EBF4: variants seen among roughly 807,000 people sequenced by gnomAD.
The protein encoded by EBF4 is transcription factor COE4.
EBF4 carries 34 observed loss-of-function variants against 67.1 expected under a neutral mutation model. The observed-to-expected ratio is 0.51, with a 90% CI of 0.39 to 0.67. The LOEUF is 0.67. Ranked by LOEUF, EBF4 falls within the 30% of genes least tolerant of loss-of-function variation. The pLI, the probability that EBF4 is intolerant of heterozygous loss-of-function variation, is 0.00. For synonymous variants in EBF4, 387 were observed against 377.7 expected (o/e 1.02, Z -0.29); for missense variants, 837 against 873.3 (o/e 0.96, Z 0.52).
chr20:2,753,065 G>A (rs1040562570), intron 14 of EBF4, among the ~76,000 whole-genome samples: 8 of 152,266 alleles, frequency 5.3e-5, no homozygotes, highest in African/African-American at 1.9e-4. Context: ...CAGAGCGAGC[G>A]AGTTCTGTGT....
At chr20:2,716,119 G>T (rs887257610) in intron 6 of EBF4, among the ~76,000 whole-genome samples, 1 of 151,746 alleles carries the variant, frequency 6.6e-6, no homozygotes, top group Non-Finnish European at 1.5e-5. Context: ...GTTACTCAGA[G>T]GTTGAGGTGG....
At chr20:2,694,359 C>T (rs2087258019) in intron 1 of EBF4, among the ~76,000 whole-genome samples, 1 of 152,168 alleles carries the variant, frequency 6.6e-6, no homozygotes. Flanking sequence ...GGGCCCCTGC[C>T]TTTCCCTCGG....
At chr20:2,702,321 G>A (rs1394041452) in intron 1 of EBF4, among the ~76,000 whole-genome samples, 1 of 152,044 alleles carries the variant, frequency 6.6e-6, no homozygotes, top group Admixed American at 6.5e-5. Flanking sequence ...CCAGCTACTC[G>A]GACGGCTGAG....
exon 14 of EBF4, chr20:2,752,454 G>T: frequency 7.9e-7 from 1 of 1,273,434 alleles, no homozygotes; most frequent in Non-Finnish European, 9.9e-7. Flanking sequence ...GAGCTGGCCT[G>T]GGCGGCTACG....
chr20:2,712,383 A>G (rs557132591), intron 6 of EBF4, among the ~76,000 whole-genome samples: 3 of 152,320 alleles, frequency 2.0e-5, no homozygotes, highest in South Asian at 2.1e-4. Flanking sequence ...GGCAGGACTG[A>G]CAGGATTTGT....
intron 1 of EBF4, among the ~76,000 whole-genome samples, chr20:2,698,733 C>A (rs1038491809): frequency 6.6e-5 from 10 of 152,158 alleles, no homozygotes; most frequent in Non-Finnish European, 8.8e-5. Flanking sequence ...GAGCCTCCCC[C>A]CATTACTGAT....
rs1600249224 is a variant in EBF4, at chr20:2,755,836, A to C, written c.1738+12A>C. Reference sequence around the variant, plus strand: ...AGAGGGGCTTCCAGGTGAGTGATCCACCCTGCCTCACTGTGGCAGGAAGGA... The same window carrying C: ...AGAGGGGCTTCCAGGTGAGTGATCCCCCCTGCCTCACTGTGGCAGGAAGGA... On this transcript the variant is annotated intron_variant, in intron 15 of 16. Coordinates refer to ENST00000609451, the Ensembl canonical transcript of EBF4. The surrounding 1 kb of genome is among the most constrained non-coding windows in gnomAD (Gnocchi z 4.7). 1 of 1,542,290 alleles carries C rather than the reference A, an allele frequency of 6.5e-7. No individual in the cohort carries two copies.
Position 2,709,567 on chromosome 20 carries a change from C to A in EBF4, c.489-7C>A. On this transcript the variant is annotated splice_polypyrimidine_tract_variant and splice_region_variant and intron_variant, in intron 5 of 16. Transcript: ENST00000609451. ...CTGCCTTCCCTCCTTCCTCATCTTT[C>A]CTTCAGCCGGTGCTGTGACCGGAAG... 1 of 1,549,626 alleles carries A rather than the reference C, an allele frequency of 6.5e-7. No homozygotes were observed. Among genetic ancestry groups the A allele is most frequent in the Non-Finnish European group, 8.7e-7 (1 of 1,145,694 alleles).
At chr20:2,737,261 A>AG (rs61251609) in intron 6 of EBF4, among the ~76,000 whole-genome samples, 17,031 of 150,406 alleles carry the variant, frequency 0.11, 1,292 homozygotes, top group East Asian at 0.27. Context: ...AAAAAAAAAA[A>AG]AAAAGAAAAG....
intron 5 of EBF4, 151 bp from the exon 6 acceptor site, chr20:2,709,423 C>G: frequency 1.6e-6 from 1 of 636,374 alleles, no homozygotes; most frequent in South Asian, 2.9e-5. Flanking sequence ...TCCCCCAAGC[C>G]CTGGGAGTGA....
chr20:2,698,233 G>C (rs1007820687), intron 1 of EBF4, among the ~76,000 whole-genome samples: 1 of 152,206 alleles, frequency 6.6e-6, no homozygotes, highest in Non-Finnish European at 1.5e-5. Flanking sequence ...CAGCTGCTGG[G>C]GGCAGTGGGA....
rs1309653786 is a variant in EBF4, at chr20:2,751,788, G to C, written c.1107G>C (p.Lys369Asn). ...CCGGAGACCCCGAGAGGCTGCCCAAGGTACTCAGAGGGGCGGGGCGGGGCG... is the reference window on the plus strand; with the variant it reads ...CCGGAGACCCCGAGAGGCTGCCCAACGTACTCAGAGGGGCGGGGCGGGGCG... The change falls in exon 11 of 17, where the codon AAG becomes AAC. Residue 369 changes from lysine to asparagine, a missense_variant and splice_region_variant. By Grantham distance (94) the Lys-to-Asn change is moderately conservative (BLOSUM62 0). This residue lies in a region of EBF4 where 525 missense variants were observed against 496.5 expected (regional missense o/e 1.06). Coordinates refer to ENST00000609451, the Ensembl canonical transcript of EBF4. The surrounding 1 kb of genome is among the most constrained non-coding windows in gnomAD (Gnocchi z 5.2). 1.3e-6 allele frequency: 2 copies of C among 1,549,542 alleles called. No homozygotes were observed. The highest frequency in any genetic ancestry group is 8.7e-7 in the Non-Finnish European group (1 of 1,146,470).
At chr20:2,715,496 G>A (rs1377855113) in intron 6 of EBF4, among the ~76,000 whole-genome samples, 1 of 152,178 alleles carries the variant, frequency 6.6e-6, no homozygotes, top group Non-Finnish European at 1.5e-5. Context: ...GTCAGGAATT[G>A]TCAGGTCATG....
intron 14 of EBF4, among the ~76,000 whole-genome samples, chr20:2,754,768 C>T (rs1427992452): frequency 1.3e-5 from 2 of 152,106 alleles, no homozygotes; most frequent in African/African-American, 4.8e-5. Flanking sequence ...CCAGCGATGC[C>T]CCAGGCCTGA....
chr20:2,712,089 C>T (rs551315897), intron 6 of EBF4, among the ~76,000 whole-genome samples: 1 of 152,226 alleles, frequency 6.6e-6, no homozygotes, highest in East Asian at 1.9e-4. Flanking sequence ...GAAGGCACGA[C>T]CATGCAGGGT....
rs1242824263 is a variant in EBF4 at position 2,747,760 on chromosome 20, G to C, written c.558-789G>C. ...TTTACAACATAAAATGCGTATTAAT[G>C]TATTTGTTCTGTGTATTTCCTATTT... On this transcript the variant is annotated intron_variant, in intron 6 of 16. Coordinates refer to ENST00000609451, the Ensembl canonical transcript of EBF4. The surrounding 1 kb of genome is among the most constrained non-coding windows in gnomAD (Gnocchi z 4.6). 6.6e-6 allele frequency among the ~76,000 whole-genome samples: 1 copy of C among 152,162 alleles called. No homozygotes were observed. Among genetic ancestry groups the C allele is most frequent in the Non-Finnish European group, 1.5e-5 (1 of 68,030 alleles).
chr20:2,698,881 A>T (rs779385107), intron 1 of EBF4, among the ~76,000 whole-genome samples: 32 of 152,096 alleles, frequency 2.1e-4, no homozygotes, highest in Non-Finnish European at 2.5e-4. Context: ...GGAAGGCAAG[A>T]CGCCTGGGGG....
At position 2,751,874 on chromosome 20, in the gene EBF4, C is replaced by T. The variant is rs1355669466; in HGVS notation, c.1108-48C>T. ...GGGGCTCCCGAGGGCCCCTTGGTCG[C>T]CCCCAGGGGCTGCCCCTCCGTCCCG... On this transcript the variant is annotated intron_variant, in intron 11 of 16. Transcript: ENST00000609451. The surrounding 1 kb of genome is among the most constrained non-coding windows in gnomAD (Gnocchi z 5.2). The T allele has an allele frequency of 5.2e-6, 8 of 1,548,284 alleles. No homozygotes were observed. In the African/African-American group the frequency reaches 8.2e-5, roughly 16 times the overall value.
chr20:2,730,111 A>G (rs1281273337), intron 6 of EBF4, among the ~76,000 whole-genome samples: 1 of 152,210 alleles, frequency 6.6e-6, no homozygotes, highest in Non-Finnish European at 1.5e-5. Context: ...TGGGGGATGA[A>G]TGCACTTGCT....
Sources: gnomAD v4.1 joint callset for allele counts (sites outside exome capture counted in the v4.1 genomes callset) on GRCh38, gnomAD v4.1.1 for gene constraint, gnomAD v4.1.1 regional missense constraint, Gnocchi (gnomAD v3.1) non-coding constraint, MANE v1.5 for transcripts, NCBI Gene and HGNC (gene_info 2026-07-23, HGNC 2026-07-21) for gene names.